The following SPTBN1 variants were observed in gnomAD, a reference collection of about 807,000 sequenced individuals.
SPTBN1 encodes spectrin beta, non-erythrocytic 1, also known as spectrin beta chain, non-erythrocytic 1.
Under a neutral mutation model 266.4 loss-of-function variants are expected in SPTBN1, and 32 were observed. The ratio of observed to expected loss-of-function variants is 0.12; its 90% CI spans 0.09 to 0.16. The LOEUF (loss-of-function observed/expected upper bound fraction) is 0.16. Ranked by LOEUF, SPTBN1 falls within the 10% of genes least tolerant of loss-of-function variation. The probability of loss-of-function intolerance (pLI) is 1.00; values close to 1 mark genes in which losing one functional copy is unlikely to be tolerated. For missense variants in SPTBN1, 2,296 were observed against 3,067.1 expected, an observed-to-expected ratio of 0.75 and a Z score of 5.94; for synonymous variants, 1,336 against 1,162.2, an observed-to-expected ratio of 1.15 and a Z score of -3.04.
chr2:54,650,888 T>C (rs1309151327), intron 26 of SPTBN1, among the ~76,000 whole-genome samples: 1 of 152,222 alleles, frequency 6.6e-6, no homozygotes, highest in East Asian at 1.9e-4. Flanking sequence ...TGCCTCAGCC[T>C]CTAAATAGCT....
At chr2:54,572,126 A>G (rs1674128677) in intron 2 of SPTBN1, among the ~76,000 whole-genome samples, 1 of 152,144 alleles carries the variant, frequency 6.6e-6, no homozygotes, top group African/African-American at 2.4e-5. Context: ...GGTGAGGAGA[A>G]GAGGAGAGGA....
chr2:54,632,452 T>A, intron 16 of SPTBN1, 114 bp from the exon 17 acceptor site: 1 of 1,107,210 alleles, frequency 9.0e-7, no homozygotes, highest in Non-Finnish European at 1.3e-6. Flanking sequence ...ATTTAATTAT[T>A]TCATGTAAGT....
At chr2:54,557,999 C>T in intron 2 of SPTBN1, 1 of 985,092 alleles carries the variant, frequency 1.0e-6, no homozygotes, top group Non-Finnish European at 1.2e-6. Context: ...AGTGAATGAG[C>T]CGCGCGGGCC....
intron 1 of SPTBN1, among the ~76,000 whole-genome samples, chr2:54,509,427 A>G (rs1425367684): frequency 1.3e-5 from 2 of 152,210 alleles, no homozygotes; most frequent in Non-Finnish European, 2.9e-5. Flanking sequence ...TATGAGAACT[A>G]TAGAGAGTGA....
In SPTBN1 at chr2:54,650,062, A is replaced by G. The variant is rs1680169159; in HGVS notation, c.5577+73A>G. The G allele has an allele frequency of 2.6e-6, 4 of 1,518,076 alleles. No homozygotes were observed. The South Asian group carries it at 5.2e-5, about 20-fold the overall frequency. 94.0% of individuals were successfully genotyped at this position (1,518,076 alleles called of 1,614,324 possible). ...AGAACATCTTTGGGCATCTGTAAGT[A>G]TCTCCCTGTTCCTTGGCTCTTCAAA... On this transcript the variant is annotated intron_variant, in intron 26 of 35. Transcript: ENST00000356805.
chr2:54,551,177 C>T (rs552295473), intron 2 of SPTBN1, among the ~76,000 whole-genome samples: 1 of 152,236 alleles, frequency 6.6e-6, no homozygotes, highest in Non-Finnish European at 1.5e-5. Context: ...CCATATCACT[C>T]TTGTAAAACT....
chr2:54,546,732 T>C (rs1672259273), intron 2 of SPTBN1: 1 of 152,128 alleles, frequency 6.6e-6, no homozygotes, highest in African/African-American at 2.4e-5. Flanking sequence ...GTTGTAAAAA[T>C]GAGAGTTGGC....
intron 3 of SPTBN1, among the ~76,000 whole-genome samples, chr2:54,611,137 G>T (rs552716857): frequency 6.6e-6 from 1 of 151,998 alleles, no homozygotes. Context: ...TATATTTTGC[G>T]GTAGTAAATT....
At position 54,579,283 on chromosome 2, in the gene SPTBN1, C is replaced by T. The variant is rs1454243434; in HGVS notation, c.149-19809C>T. Among the ~76,000 whole-genome samples the T allele has an allele frequency of 2.0e-5, 3 of 152,148 alleles. No homozygotes were observed. In the East Asian group the frequency reaches 5.8e-4, roughly 29 times the overall value. On this transcript the variant is annotated intron_variant, in intron 2 of 35. Transcript: ENST00000356805. ...ACAGCTTCCGTTTGACCTGAGGCAT[C>T]CCTCAGGTATGAGAATGTCACCCAG...
intron 1 of SPTBN1, among the ~76,000 whole-genome samples, chr2:54,473,416 T>C (rs1006007789): frequency 2.0e-5 from 3 of 152,250 alleles, no homozygotes; most frequent in African/African-American, 7.2e-5. Context: ...TGTTGCCATG[T>C]TGGAAAATTT....
At chr2:54,635,230 A>C (rs1385298548) in intron 17 of SPTBN1, among the ~76,000 whole-genome samples, 1 of 152,226 alleles carries the variant, frequency 6.6e-6, no homozygotes, top group Non-Finnish European at 1.5e-5. Flanking sequence ...CCTTCCCTGT[A>C]ATTGAATCCG....
At chr2:54,665,521 A>G (rs1371440954) in intron 33 of SPTBN1, among the ~76,000 whole-genome samples, 2 of 152,198 alleles carry the variant, frequency 1.3e-5, no homozygotes, top group Admixed American at 6.5e-5. Context: ...CCGCAGCTGG[A>G]GGAGCTGCTG....
intron 2 of SPTBN1, among the ~76,000 whole-genome samples, chr2:54,595,718 C>G (rs377505612): frequency 1.3e-5 from 2 of 152,208 alleles, no homozygotes; most frequent in Non-Finnish European, 2.9e-5. Context: ...GAGGGGTGCT[C>G]TCTGGGGAGT....
rs115084757 is a variant in SPTBN1 at position 54,468,481 on chromosome 2, G to C, written c.-48+11963G>C. On this transcript the variant is annotated intron_variant, in intron 1 of 35. Coordinates refer to ENST00000356805, the MANE Select transcript of SPTBN1 (RefSeq NM_003128.3). ...TCCAATCTTAAACTGAAGATGTAGA[G>C]TTTTGACAGTCTCTATAATGACATG... Among the ~76,000 whole-genome samples, 980 of 152,102 alleles carry C rather than the reference G, an allele frequency of 6.4e-3. 13 individuals carry two copies. The highest frequency in any genetic ancestry group is 0.023 in the African/African-American group (951 of 41,484).
intron 2 of SPTBN1, among the ~76,000 whole-genome samples, chr2:54,561,143 GT>G (rs1673271652): frequency 6.6e-6 from 1 of 152,224 alleles, no homozygotes; most frequent in East Asian, 1.9e-4. Flanking sequence ...ACTGTATTGG[GT>G]TTTTTGTTTT....
At position 54,626,207 on chromosome 2, in the gene SPTBN1, C is replaced by T. The variant is rs1423308047; in HGVS notation, c.1617C>T (p.Tyr539=). The change falls in exon 12 of 36, where the codon TAC becomes TAT. Residue 539 remains tyrosine (Y), a synonymous_variant. Coordinates refer to ENST00000356805, the MANE Select transcript of SPTBN1 (RefSeq NM_003128.3). The surrounding 1 kb of genome is among the most constrained non-coding windows in gnomAD (Gnocchi z 4.7). The stretch of plus-strand genomic sequence containing the variant: ...AGAAGATATTCCAGGAAATGCTCTA[C>T]ATTATGGACTGGATGGATGAAATGA... The part of the protein sequence containing the change: ...GLQKIFQEML[Y]IMDWMDEMKV... 11 of 1,613,976 alleles carry T rather than the reference C, an allele frequency of 6.8e-6. No individual in the cohort carries two copies. Among genetic ancestry groups the T allele is most frequent in the Non-Finnish European group, 9.3e-6 (11 of 1,179,998 alleles).
Position 54,649,189 on chromosome 2 carries a change from C to T in SPTBN1, c.5201C>T (p.Thr1734Met), listed in dbSNP as rs759579062. The T allele has an allele frequency of 9.4e-6, 15 of 1,594,422 alleles. No individual in the cohort carries two copies. Among genetic ancestry groups the T allele is most frequent in the Middle Eastern group, 2.1e-4 (1 of 4,744 alleles). Reference sequence around the variant, plus strand: ...CTGGGACAGGACTATGAGCATGTCACGGCAAGTACTTGAGGCAGTGCATGA... The same window carrying T: ...CTGGGACAGGACTATGAGCATGTCATGGCAAGTACTTGAGGCAGTGCATGA... Reference protein sequence around the residue: ...HELGQDYEHVTMLQERFREFA... With the variant: ...HELGQDYEHVMMLQERFREFA... The change falls in exon 25 of 36, where the codon ACG (threonine) becomes ATG (methionine). Residue 1734 changes from threonine (T) to methionine (M), a missense_variant and splice_region_variant. This residue lies in a region of SPTBN1 where 644 missense variants were observed against 745.3 expected (regional missense o/e 0.86). Transcript: ENST00000356805. The surrounding 1 kb of genome is among the most constrained non-coding windows in gnomAD (Gnocchi z 6.7).
At chr2:54,613,714 C>G (rs1677383329) in intron 4 of SPTBN1, among the ~76,000 whole-genome samples, 1 of 152,196 alleles carries the variant, frequency 6.6e-6, no homozygotes, top group Non-Finnish European at 1.5e-5. Flanking sequence ...CATTTTTCCC[C>G]AGATAGAACT....
intron 1 of SPTBN1, among the ~76,000 whole-genome samples, chr2:54,465,728 G>A (rs1373203260): frequency 6.7e-6 from 1 of 148,182 alleles, no homozygotes; most frequent in Non-Finnish European, 1.5e-5. Context: ...ACGAAGGGAG[G>A]CACATATTTT....
Sources: gnomAD v4.1 joint callset for allele counts (sites outside exome capture counted in the v4.1 genomes callset) on GRCh38, gnomAD v4.1.1 for gene constraint, gnomAD v4.1.1 regional missense constraint, Gnocchi (gnomAD v3.1) non-coding constraint, MANE v1.5 for transcripts, NCBI Gene and HGNC (gene_info 2026-07-23, HGNC 2026-07-21) for gene names.